FAR2: variants seen among roughly 807,000 people sequenced by gnomAD.
FAR2 encodes fatty acyl-CoA reductase 2.
Under a neutral mutation model 56.0 loss-of-function variants are expected in FAR2, and 19 were observed. The observed-to-expected ratio is 0.34, with a 90% confidence interval of 0.24 to 0.50. FAR2 has a LOEUF of 0.50. FAR2 is among the 20% of genes least tolerant of loss of function. The probability of loss-of-function intolerance (pLI) is 0.98; values close to 1 mark genes in which losing one functional copy is unlikely to be tolerated. For synonymous variants in FAR2, 219 were observed against 218.8 expected (o/e 1.00, Z -0.01); for missense variants, 508 against 642.2 (o/e 0.79, Z 2.26).
chr12:29,250,761 G>A (rs998229403), intron 1 of FAR2, among the ~76,000 whole-genome samples: 5 of 152,190 alleles, frequency 3.3e-5, no homozygotes, highest in African/African-American at 1.2e-4. Context: ...TATAGTGAAT[G>A]TGTTAGGAGA....
intron 1 of FAR2, among the ~76,000 whole-genome samples, chr12:29,269,414 T>C (rs976480248): frequency 6.6e-6 from 1 of 152,204 alleles, no homozygotes; most frequent in Non-Finnish European, 1.5e-5. Flanking sequence ...TGTTCTTTTT[T>C]CAAGGTGCCT....
chr12:29,312,350 G>C (rs1221255902), intron 8 of FAR2, among the ~76,000 whole-genome samples: 1 of 152,116 alleles, frequency 6.6e-6, no homozygotes, highest in Non-Finnish European at 1.5e-5. Flanking sequence ...AATGACCAAT[G>C]AGATAGAAAA....
chr12:29,152,753 C>T (rs1433810853), intron 1 of FAR2, among the ~76,000 whole-genome samples: 2 of 152,124 alleles, frequency 1.3e-5, no homozygotes, highest in Non-Finnish European at 2.9e-5. Flanking sequence ...TAAGTAGTTA[C>T]AAGGCAATAG....
chr12:29,329,037 G>A (rs1408386378), intron 10 of FAR2, among the ~76,000 whole-genome samples: 1 of 151,988 alleles, frequency 6.6e-6, no homozygotes, highest in Non-Finnish European at 1.5e-5. Context: ...CATTATCCAT[G>A]TCAAATACAA....
intron 1 of FAR2, among the ~76,000 whole-genome samples, chr12:29,168,716 T>C (rs917152218): frequency 6.6e-6 from 1 of 152,184 alleles, no homozygotes; most frequent in Non-Finnish European, 1.5e-5. Flanking sequence ...CCGTGGACGT[T>C]CGTGATGAGT....
chr12:29,215,968 A>T (rs1158211647), intron 1 of FAR2, among the ~76,000 whole-genome samples: 1 of 152,164 alleles, frequency 6.6e-6, no homozygotes, highest in Non-Finnish European at 1.5e-5. Context: ...CTCATGGTCA[A>T]CATAACTCTA....
intron 1 of FAR2, among the ~76,000 whole-genome samples, chr12:29,201,528 C>A (rs1447947325): frequency 6.6e-6 from 1 of 152,130 alleles, no homozygotes; most frequent in Non-Finnish European, 1.5e-5. Flanking sequence ...AGACTTGAGT[C>A]CGGGGCATAA....
rs1948317615 is a variant in FAR2 at position 29,256,439 on chromosome 12, C to T, written c.-38-13973C>T. On this transcript the variant is annotated intron_variant, in intron 1 of 11. Transcript: ENST00000536681. ...CTGGCATCAAGCGATCCTTGTGCCT[C>T]AGCCTCCCAAAGTGCTAGGATTTAG... Among the ~76,000 whole-genome samples the T allele has an allele frequency of 2.0e-5, 3 of 152,222 alleles. 1 individual carries two copies. The South Asian group carries it at 6.2e-4, about 31-fold the overall frequency.
At chr12:29,299,085 T>C (rs561990328) in intron 4 of FAR2, among the ~76,000 whole-genome samples, 46 of 151,982 alleles carry the variant, frequency 3.0e-4, no homozygotes, top group African/African-American at 1.1e-3. Context: ...TGGTGGCACA[T>C]GCCTGTAATC....
At chr12:29,274,727 T>C (rs183112160) in intron 2 of FAR2, among the ~76,000 whole-genome samples, 3 of 151,926 alleles carry the variant, frequency 2.0e-5, no homozygotes, top group Admixed American at 1.3e-4. Flanking sequence ...CCTGGCTCAT[T>C]CTGGCTCAAA....
At chr12:29,196,547 A>C (rs947898761) in intron 1 of FAR2, among the ~76,000 whole-genome samples, 1 of 152,068 alleles carries the variant, frequency 6.6e-6, no homozygotes, top group Non-Finnish European at 1.5e-5. Context: ...GTTCCAGGAA[A>C]ATTGAATTTC....
At chr12:29,252,155 A>G (rs1233537613) in intron 1 of FAR2, among the ~76,000 whole-genome samples, 5 of 152,152 alleles carry the variant, frequency 3.3e-5, no homozygotes, top group South Asian at 4.1e-4. Context: ...ACTAGGGGAA[A>G]ATGGAACTGC....
Position 29,293,485 on chromosome 12 carries a change from C to T in FAR2, c.365+10C>T, listed in dbSNP as rs758094776. ...TTGACGACACTCTCAGGTACATTCC[C>T]ATTTCCCTCTCATGGCTTGTATACA... On this transcript the variant is annotated intron_variant, in intron 3 of 11. Coordinates refer to ENST00000536681, the MANE Select transcript of FAR2 (RefSeq NM_001271783.2). 2.0e-6 allele frequency: 3 copies of T among 1,518,376 alleles called. No individual in the cohort carries two copies. Among genetic ancestry groups the T allele is most frequent in the Admixed American group, 4.4e-5 (2 of 45,646 alleles). The allele number at this position is 1,518,376 out of a possible 1,614,324, so 94.1% of individuals were successfully genotyped here.
At chr12:29,273,790 T>A (rs1948659573) in intron 2 of FAR2, among the ~76,000 whole-genome samples, 1 of 152,178 alleles carries the variant, frequency 6.6e-6, no homozygotes, top group Non-Finnish European at 1.5e-5. Flanking sequence ...GGTTCCGGAG[T>A]GGGCTCTTCT....
chr12:29,194,874 C>G (rs537439118), intron 1 of FAR2, among the ~76,000 whole-genome samples: 1 of 152,240 alleles, frequency 6.6e-6, no homozygotes, highest in African/African-American at 2.4e-5. Flanking sequence ...GAGTCAGACT[C>G]TATTGCACAG....
intron 1 of FAR2, among the ~76,000 whole-genome samples, chr12:29,175,250 T>A (rs975231990): frequency 1.3e-5 from 2 of 152,222 alleles, no homozygotes; most frequent in Non-Finnish European, 2.9e-5. Flanking sequence ...TCCAGTGGGT[T>A]CTTGGTCTCG....
chr12:29,226,785 A>G, intron 1 of FAR2, among the ~76,000 whole-genome samples: 1 of 152,086 alleles, frequency 6.6e-6, no homozygotes, highest in South Asian at 2.1e-4. Flanking sequence ...GTGTGATGAT[A>G]TTACATGAAA....
At chr12:29,151,439 G>A (rs1251991736) in intron 1 of FAR2, 2 of 152,202 alleles carry the variant, frequency 1.3e-5, no homozygotes, top group Non-Finnish European at 2.9e-5. Flanking sequence ...CATTCTAGAT[G>A]TCCAGAGGCT....
intron 10 of FAR2, chr12:29,331,975 C>T (rs1328649072): frequency 6.6e-6 from 1 of 152,110 alleles, no homozygotes; most frequent in Admixed American, 6.6e-5. Flanking sequence ...TATCTGTCTT[C>T]TATGTGGCAC....
Sources: gnomAD v4.1 joint callset for allele counts (sites outside exome capture counted in the v4.1 genomes callset) on GRCh38, gnomAD v4.1.1 for gene constraint, MANE v1.5 for transcripts, NCBI Gene and HGNC (gene_info 2026-07-23, HGNC 2026-07-21) for gene names.